Variants in NPEPPS observed in about 807,000 individuals in gnomAD.
The protein encoded by NPEPPS is aminopeptidase puromycin sensitive, also known as puromycin-sensitive aminopeptidase.
In NPEPPS, 14 loss-of-function variants were observed where a neutral mutation model predicts 115.5. The observed-to-expected ratio is 0.12, with a 90% CI of 0.08 to 0.19. The LOEUF is 0.19. Ranked by LOEUF, NPEPPS falls within the 10% of genes least tolerant of loss-of-function variation. The pLI is 1.00. For missense variants in NPEPPS, 523 were observed against 1,110.8 expected, an observed-to-expected ratio of 0.47 and a Z score of 7.52; for synonymous variants, 285 against 390.6, an observed-to-expected ratio of 0.73 and a Z score of 3.19.
upstream of NPEPPS, among the ~76,000 whole-genome samples, chr17:47,527,634 G>A (rs1185138410): frequency 6.6e-6 from 1 of 151,348 alleles, no homozygotes; most frequent in Non-Finnish European, 1.5e-5. Context: ...TAGGCAGGTG[G>A]ATCACCTGAG....
intron 2 of NPEPPS, among the ~76,000 whole-genome samples, chr17:47,547,828 C>T (rs1909330664): frequency 6.6e-6 from 1 of 152,014 alleles, no homozygotes; most frequent in Non-Finnish European, 1.5e-5. Flanking sequence ...AGATCGAGAC[C>T]ATCCTGGCTA....
rs1249237212 is a variant in NPEPPS at position 47,612,523 on chromosome 17, C to A, written c.2159C>A (p.Ala720Glu). 2.5e-6 allele frequency: 4 copies of A among 1,613,726 alleles called. No individual in the cohort carries two copies. The highest frequency in any genetic ancestry group is 3.4e-6 in the Non-Finnish European group (4 of 1,179,858). The change falls in exon 18 of 23, where the codon GCA (alanine) becomes GAA (glutamate). Residue 720 changes from alanine (A) to glutamate (E), a missense_variant. This residue lies in a region of NPEPPS where 372 missense variants were observed against 542.6 expected (regional missense o/e 0.69). Transcript: ENST00000322157. ...AAACTAGGAAAAGCAGGACATAAGG[C>A]AACGTTAGAAGAAGCCCGTCGTCGG... is the stretch of plus-strand genomic sequence containing the variant. ...LGKLGKAGHK[A>E]TLEEARRRFK... is the part of the protein sequence containing the mutation.
intron 2 of NPEPPS, among the ~76,000 whole-genome samples, chr17:47,550,614 G>GTATA (rs936109382): frequency 7.2e-6 from 1 of 139,548 alleles, no homozygotes; most frequent in Non-Finnish European, 1.5e-5. Flanking sequence ...ATATATATAT[G>GTATA]TATATATATA....
intron 15 of NPEPPS, 141 bp downstream of exon 15, chr17:47,601,888 A>G (rs538110631): frequency 2.4e-6 from 2 of 821,928 alleles, no homozygotes; most frequent in Non-Finnish European, 3.7e-6. Context: ...GAATTTTCAT[A>G]TAGTATTGTC....
chr17:47,570,512 T>C (rs1187915545), intron 3 of NPEPPS, among the ~76,000 whole-genome samples: 2 of 152,236 alleles, frequency 1.3e-5, no homozygotes, highest in African/African-American at 2.4e-5. Flanking sequence ...GATTTTGATA[T>C]ACAACCAGAG....
chr17:47,537,752 A>G (rs1208118387), intron 1 of NPEPPS, among the ~76,000 whole-genome samples: 5 of 151,598 alleles, frequency 3.3e-5, no homozygotes, highest in South Asian at 2.1e-4. Flanking sequence ...TCTAAAATAC[A>G]TTATCTTTTT....
chr17:47,572,163 T>C (rs4060766), intron 3 of NPEPPS, among the ~76,000 whole-genome samples: 1 of 152,030 alleles, frequency 6.6e-6, no homozygotes, highest in African/African-American at 2.4e-5. Context: ...ACCTGTAATC[T>C]CAGCATTTTT....
At chr17:47,597,066 A>G (rs992042122) in intron 13 of NPEPPS, among the ~76,000 whole-genome samples, 3 of 152,140 alleles carry the variant, frequency 2.0e-5, no homozygotes, top group East Asian at 1.9e-4. Flanking sequence ...AAAAAAATCA[A>G]TGTATTGATT....
At chr17:47,547,984 C>T (rs2143720895) in intron 2 of NPEPPS, among the ~76,000 whole-genome samples, 1 of 152,172 alleles carries the variant, frequency 6.6e-6, no homozygotes, top group Non-Finnish European at 1.5e-5. Context: ...CGAGATCGCG[C>T]CACTGCACTC....
Position 47,556,563 on chromosome 17 carries a change from G to A in NPEPPS, c.340+10570G>A, listed in dbSNP as rs549768224. Among the ~76,000 whole-genome samples the A allele has an allele frequency of 2.5e-4, 38 of 152,224 alleles. 2 individuals carry two copies. The highest frequency in any genetic ancestry group is 1.5e-3 in the South Asian group (7 of 4,826). ...TTTTCCATTCGACAAAACCGCCATCGTCATCATGGCCCGCTCTCAATGAGC... is the reference window on the plus strand; with the variant it reads ...TTTTCCATTCGACAAAACCGCCATCATCATCATGGCCCGCTCTCAATGAGC... On this transcript the variant is annotated intron_variant, in intron 2 of 22. Transcript: ENST00000322157.
At chr17:47,534,812 C>T (rs991990411) in intron 1 of NPEPPS, among the ~76,000 whole-genome samples, 29 of 151,254 alleles carry the variant, frequency 1.9e-4, no homozygotes, top group African/African-American at 7.0e-4. Flanking sequence ...CAGGTGATCC[C>T]CTTCCCTTGG....
At position 47,574,458 on chromosome 17, in the gene NPEPPS, A is replaced by C. The variant is rs1911384583; in HGVS notation, c.419-4932A>C. Reference sequence around the variant, plus strand: ...GGAATCAGTTTATTTGCTAGAATTCACCAGGGAAGAGTAGACAGAAACTTC... The same window carrying C: ...GGAATCAGTTTATTTGCTAGAATTCCCCAGGGAAGAGTAGACAGAAACTTC... On this transcript the variant is annotated intron_variant, in intron 3 of 22. Transcript: ENST00000322157. Among the ~76,000 whole-genome samples the C allele has an allele frequency of 4.6e-5, 7 of 152,306 alleles. No individual in the cohort carries two copies. The South Asian group carries it at 1.5e-3, about 32-fold the overall frequency.
At chr17:47,540,975 T>C (rs1461058097) in intron 1 of NPEPPS, among the ~76,000 whole-genome samples, 13 of 152,152 alleles carry the variant, frequency 8.5e-5, no homozygotes, top group South Asian at 4.1e-4. Context: ...AAAAAAAAAT[T>C]AGTAACAATT....
At position 47,585,778 on chromosome 17, in the gene NPEPPS, G is replaced by A. The variant is rs530348688; in HGVS notation, c.849+78G>A. ...AATTTACATTTCTGGTCAATTATTA[G>A]TACAGTTATTTATAATTTAATCTGA... On this transcript the variant is annotated intron_variant, in intron 6 of 22. Coordinates refer to ENST00000322157, the MANE Select transcript of NPEPPS (RefSeq NM_006310.4). 1.9e-4 allele frequency: 197 copies of A among 1,030,288 alleles called. 6 individuals are homozygous for A. In the South Asian group the frequency reaches 2.6e-3, roughly 13 times the overall value. 63.8% of individuals were successfully genotyped at this position (1,030,288 alleles called of 1,614,324 possible). A position where few individuals can be genotyped will look rare whatever the true frequency, so the allele number is the denominator to read the frequency against.
At chr17:47,536,286 C>G (rs1252024153) in intron 1 of NPEPPS, among the ~76,000 whole-genome samples, 1 of 151,874 alleles carries the variant, frequency 6.6e-6, no homozygotes, top group Non-Finnish European at 1.5e-5. Flanking sequence ...TGAATAGTTG[C>G]CAATATAGTA....
At chr17:47,619,839 A>T (rs1431635215) in intron 22 of NPEPPS, 55 bp downstream of exon 22, 28 of 1,309,022 alleles carry the variant, frequency 2.1e-5, no homozygotes, top group Non-Finnish European at 3.1e-5. Context: ...AAAAACAATA[A>T]CCTGGTTGTA....
intron 2 of NPEPPS, among the ~76,000 whole-genome samples, chr17:47,556,766 C>G (rs1456352710): frequency 2.6e-5 from 4 of 152,222 alleles, no homozygotes; most frequent in Non-Finnish European, 5.9e-5. Flanking sequence ...GCCTCTGCCT[C>G]CCAAGTAGCT....
chr17:47,609,697 C>T (rs2143946276), intron 17 of NPEPPS, among the ~76,000 whole-genome samples: 1 of 152,314 alleles, frequency 6.6e-6, no homozygotes. Context: ...TGGGCTCCTT[C>T]CTAATTGGTC....
At chr17:47,612,843 A>G (rs532578961) in intron 18 of NPEPPS, among the ~76,000 whole-genome samples, 42 of 152,134 alleles carry the variant, frequency 2.8e-4, no homozygotes, top group Non-Finnish European at 5.0e-4. Context: ...TTGTATTTTC[A>G]GTAGAGACGA....
Sources: gnomAD v4.1 joint callset for allele counts (sites outside exome capture counted in the v4.1 genomes callset) on GRCh38, gnomAD v4.1.1 for gene constraint, gnomAD v4.1.1 regional missense constraint, MANE v1.5 for transcripts, NCBI Gene and HGNC (gene_info 2026-07-23, HGNC 2026-07-21) for gene names.